Variants in RSRC1 observed in about 807,000 individuals in gnomAD.
The protein encoded by RSRC1 is arginine and serine rich coiled-coil 1, also known as serine/Arginine-related protein 53.
RSRC1 carries 39 observed loss-of-function variants against 49.1 expected under a neutral mutation model. The ratio of observed to expected loss-of-function variants is 0.79; its 90% confidence interval spans 0.61 to 1.04. RSRC1 has a LOEUF of 1.04. Ranked by LOEUF, RSRC1 falls within the 50% of genes least tolerant of loss-of-function variation. RSRC1 has a pLI of 0.00. For synonymous variants in RSRC1, 143 were observed against 130.8 expected, an observed-to-expected ratio of 1.09 and a Z score of -0.63; for missense variants, 388 against 402.4, an observed-to-expected ratio of 0.96 and a Z score of 0.31.
At chr3:158,343,985 A>G (rs1253814501) in intron 5 of RSRC1, among the ~76,000 whole-genome samples, 2 of 152,200 alleles carry the variant, frequency 1.3e-5, no homozygotes, top group Non-Finnish European at 2.9e-5. Flanking sequence ...ACACAAAAAA[A>G]GATGAATGAG....
At chr3:158,201,308 C>G (rs1044302771) in intron 3 of RSRC1, among the ~76,000 whole-genome samples, 4 of 152,000 alleles carry the variant, frequency 2.6e-5, no homozygotes, top group Non-Finnish European at 1.5e-5. Context: ...TAGTTTTTAT[C>G]AATTTGACTG....
chr3:158,131,803 A>G lies in RSRC1; in HGVS notation c.320+7812A>G, dbSNP rs116475223. 7.5e-3 allele frequency among the ~76,000 whole-genome samples: 1,144 copies of G among 152,304 alleles called. 6 individuals carry two copies. Among genetic ancestry groups the G allele is most frequent in the African/African-American group, 0.026 (1,085 of 41,558 alleles). ...GAAGAGATCAATTATTGTATATTAGAGAAAATTAGGAAAATTTTTGTTAAT... is the reference window on the plus strand; with the variant it reads ...GAAGAGATCAATTATTGTATATTAGGGAAAATTAGGAAAATTTTTGTTAAT... On this transcript the variant is annotated intron_variant, in intron 3 of 9. Transcript: ENST00000611884.
At chr3:158,256,004 C>T (rs1724654) in intron 4 of RSRC1, among the ~76,000 whole-genome samples, 68,361 of 151,942 alleles carry the variant, frequency 0.45, 15,727 homozygotes, top group East Asian at 0.64. Context: ...ATGTCATCTA[C>T]GAACAGGGAC....
intron 7 of RSRC1, among the ~76,000 whole-genome samples, chr3:158,512,296 G>A (rs1194364072): frequency 1.8e-4 from 25 of 138,294 alleles, no homozygotes; most frequent in Admixed American, 3.7e-4. Flanking sequence ...TTTGTATAAG[G>A]TGTAAGGAAG....
intron 4 of RSRC1, among the ~76,000 whole-genome samples, chr3:158,271,722 T>C (rs1457470812): frequency 6.6e-6 from 1 of 152,134 alleles, no homozygotes; most frequent in African/African-American, 2.4e-5. Flanking sequence ...AGATAACATC[T>C]AGCTAAAATT....
At chr3:158,369,300 A>G (rs1297036588) in intron 6 of RSRC1, among the ~76,000 whole-genome samples, 11 of 152,080 alleles carry the variant, frequency 7.2e-5, no homozygotes, top group Non-Finnish European at 1.6e-4. Flanking sequence ...TTAGGATTCA[A>G]TTCTAAAATA....
chr3:158,481,353 A>G (rs112762857), intron 7 of RSRC1, among the ~76,000 whole-genome samples: 3 of 152,084 alleles, frequency 2.0e-5, no homozygotes, highest in East Asian at 1.9e-4. Context: ...CTAACCACAG[A>G]TCATAGGCAA....
intron 6 of RSRC1, among the ~76,000 whole-genome samples, chr3:158,435,352 T>G (rs933788673): frequency 6.6e-6 from 1 of 151,894 alleles, no homozygotes; most frequent in South Asian, 2.1e-4. Context: ...TCAGTGTCAT[T>G]GTTTTATGTT....
At chr3:158,149,612 T>C (rs1717395697) in intron 3 of RSRC1, among the ~76,000 whole-genome samples, 1 of 152,118 alleles carries the variant, frequency 6.6e-6, no homozygotes. Context: ...GGGAAGAGGG[T>C]AAATTATTTG....
At chr3:158,298,689 A>G (rs964003347) in intron 5 of RSRC1, among the ~76,000 whole-genome samples, 8 of 152,246 alleles carry the variant, frequency 5.3e-5, no homozygotes, top group Admixed American at 2.6e-4. Flanking sequence ...TATGTTTGAA[A>G]TTCATTGAGC....
rs536392376 is a variant in RSRC1 at position 158,300,195 on chromosome 3, T to C, written c.531+2120T>C. 7.2e-5 allele frequency among the ~76,000 whole-genome samples: 11 copies of C among 152,244 alleles called. No homozygotes were observed. The South Asian group carries it at 2.1e-3, about 29-fold the overall frequency. ...AAATATATTTCAAAGATAAGCATTT[T>C]GGGAATAAAGAGCCAGGACTAGCAT... On this transcript the variant is annotated intron_variant, in intron 5 of 9. Coordinates refer to ENST00000611884, the MANE Select transcript of RSRC1 (RefSeq NM_001271838.2).
chr3:158,309,839 A>T (rs1456298043), intron 5 of RSRC1, among the ~76,000 whole-genome samples: 1 of 151,754 alleles, frequency 6.6e-6, no homozygotes, highest in Non-Finnish European at 1.5e-5. Flanking sequence ...CAATACCATC[A>T]TGTCAGTTGT....
intron 4 of RSRC1, among the ~76,000 whole-genome samples, chr3:158,261,299 C>T (rs1724880632): frequency 6.6e-6 from 1 of 152,192 alleles, no homozygotes. Flanking sequence ...TAATTTTAGA[C>T]ATTCTAATAG....
chr3:158,303,651 TGAA>T (rs1358590901), intron 5 of RSRC1: 1 of 152,202 alleles, frequency 6.6e-6, no homozygotes, highest in African/African-American at 2.4e-5. Context: ...ATGTGTCCAA[TGAA>T]GAAGGCCTTC....
chr3:158,158,327 AG>A (rs962597120), intron 3 of RSRC1, among the ~76,000 whole-genome samples: 2 of 152,170 alleles, frequency 1.3e-5, no homozygotes, highest in Admixed American at 6.5e-5. Flanking sequence ...TAGATGTGTC[AG>A]GGCTGACTGT....
intron 6 of RSRC1, among the ~76,000 whole-genome samples, chr3:158,435,583 A>G (rs926717019): frequency 6.6e-5 from 10 of 151,662 alleles, no homozygotes; most frequent in African/African-American, 1.7e-4. Context: ...AGATATAGAT[A>G]TAAATATATG....
intron 7 of RSRC1, among the ~76,000 whole-genome samples, chr3:158,474,220 A>T (rs552060605): frequency 2.6e-5 from 4 of 152,296 alleles, no homozygotes; most frequent in Admixed American, 1.3e-4. Context: ...GACCATTCCG[A>T]TAAAGCAAAT....
At chr3:158,525,791 A>G (rs1007206369) in intron 7 of RSRC1, among the ~76,000 whole-genome samples, 1 of 151,978 alleles carries the variant, frequency 6.6e-6, no homozygotes, top group South Asian at 2.1e-4. Flanking sequence ...GACATCAGAT[A>G]TAAAAGAGTA....
At chr3:158,367,786 T>G (rs941793068) in intron 6 of RSRC1, among the ~76,000 whole-genome samples, 9 of 152,140 alleles carry the variant, frequency 5.9e-5, no homozygotes, top group Admixed American at 5.2e-4. Flanking sequence ...CAAGTATGGT[T>G]TATGGAAACT....
Sources: allele counts gnomAD v4.1 joint callset (sites outside exome capture counted in the v4.1 genomes callset), GRCh38; gene constraint gnomAD v4.1.1; transcripts MANE v1.5; gene names NCBI Gene and HGNC (gene_info 2026-07-23, HGNC 2026-07-21).